The following CACNB4 variants were observed in gnomAD, a reference collection of about 807,000 sequenced individuals.
CACNB4 encodes the protein voltage-dependent L-type calcium channel subunit beta-4.
Under a neutral mutation model 71.2 loss-of-function variants are expected in CACNB4, and 32 were observed. The ratio of observed to expected loss-of-function variants is 0.45; its 90% CI spans 0.34 to 0.60. The LOEUF (loss-of-function observed/expected upper bound fraction) is 0.60. Among genes scored for constraint, CACNB4 ranks in the 20% least tolerant of loss-of-function variants. CACNB4 has a pLI of 0.01. For synonymous variants in CACNB4, 231 were observed against 236.9 expected (o/e 0.97, Z 0.23); for missense variants, 464 against 647.9 (o/e 0.72, Z 3.08).
At position 151,950,506 on chromosome 2, in the gene CACNB4, C is replaced by T. The variant is rs527340848; in HGVS notation, c.148-67136G>A. Among the ~76,000 whole-genome samples the T allele has an allele frequency of 1.2e-3, 177 of 152,304 alleles. 3 individuals carry two copies. In the South Asian group the frequency reaches 0.032, roughly 27 times the overall value. Reference sequence around the variant, plus strand: ...AAATAACTGAAAACAGGAACTCAAACGAATACTTGTCCATGAATGTTCCCA... The same window carrying T: ...AAATAACTGAAAACAGGAACTCAAATGAATACTTGTCCATGAATGTTCCCA... On this transcript the variant is annotated intron_variant, in intron 2 of 13. Transcript: ENST00000539935.
chr2:151,856,969 T>C (rs2099840479), intron 10 of CACNB4: 1 of 152,196 alleles, frequency 6.6e-6, no homozygotes, highest in Admixed American at 6.5e-5. Flanking sequence ...TGCCTTGGCC[T>C]CCTGAAGTGT....
At chr2:151,957,152 CA>C in intron 2 of CACNB4, among the ~76,000 whole-genome samples, 1 of 151,062 alleles carries the variant, frequency 6.6e-6, no homozygotes, top group East Asian at 1.9e-4. Flanking sequence ...GACTCCATCT[CA>C]AAAAAAAGAA....
At chr2:151,972,888 G>A (rs1223953229) in intron 2 of CACNB4, 1 of 151,806 alleles carries the variant, frequency 6.6e-6, no homozygotes, top group Non-Finnish European at 1.5e-5. Flanking sequence ...GTGTATTGAT[G>A]AAAAAAATAG....
At chr2:151,988,422 A>C (rs529620149) in intron 2 of CACNB4, among the ~76,000 whole-genome samples, 9 of 152,238 alleles carry the variant, frequency 5.9e-5, no homozygotes, top group African/African-American at 1.9e-4. Flanking sequence ...CCCACCCTAC[A>C]TGAGAGTGGG....
chr2:152,002,453 C>G (rs755792854), intron 2 of CACNB4, among the ~76,000 whole-genome samples: 1 of 152,178 alleles, frequency 6.6e-6, no homozygotes, highest in Non-Finnish European at 1.5e-5. Context: ...GGTTATACAG[C>G]GACCATGGCC....
At chr2:152,035,727 G>A (rs1286807482) in intron 2 of CACNB4, among the ~76,000 whole-genome samples, 1 of 150,788 alleles carries the variant, frequency 6.6e-6, no homozygotes, top group African/African-American at 2.4e-5. Context: ...TAGACAAACC[G>A]CAAGAATAGC....
intron 2 of CACNB4, among the ~76,000 whole-genome samples, chr2:152,028,587 G>T (rs887676907): frequency 6.6e-6 from 1 of 152,118 alleles, no homozygotes; most frequent in Non-Finnish European, 1.5e-5. Context: ...TTGTCTTTCT[G>T]CGAAAGAAGA....
At chr2:151,878,014 A>AC in intron 4 of CACNB4, among the ~76,000 whole-genome samples, 1 of 152,262 alleles carries the variant, frequency 6.6e-6, no homozygotes, top group South Asian at 2.1e-4. Context: ...TCTATTGTTT[A>AC]AACTCTCTGG....
chr2:151,920,321 T>C (rs867363085), intron 2 of CACNB4, among the ~76,000 whole-genome samples: 3,571 of 54,178 alleles, frequency 0.066, 120 homozygotes, highest in Non-Finnish European at 0.17. Context: ...TCTTCTTCTT[T>C]TTTTTTTTTT....
At chr2:151,871,534 G>T (rs960620756) in intron 6 of CACNB4, 13 of 152,320 alleles carry the variant, frequency 8.5e-5, no homozygotes, top group African/African-American at 3.1e-4. Context: ...GATTTAAAGC[G>T]ATTCTGTGGA....
At chr2:152,032,996 A>G (rs1164651758) in intron 2 of CACNB4, among the ~76,000 whole-genome samples, 1 of 152,192 alleles carries the variant, frequency 6.6e-6, no homozygotes. Flanking sequence ...AAAATGAACT[A>G]GTTTGGTGTA....
chr2:152,009,106 G>A (rs1350811408), intron 2 of CACNB4, among the ~76,000 whole-genome samples: 6 of 151,412 alleles, frequency 4.0e-5, no homozygotes, highest in East Asian at 1.9e-4. Context: ...TGGGAGGATC[G>A]CTTGAGCCCA....
intron 2 of CACNB4, among the ~76,000 whole-genome samples, chr2:151,911,243 G>C (rs973100509): frequency 3.3e-5 from 5 of 152,192 alleles, no homozygotes; most frequent in Admixed American, 2.6e-4. Flanking sequence ...CATGCCATCT[G>C]TGAACAGACA....
rs1312837409 is a variant in CACNB4 at position 151,870,245 on chromosome 2, C to T, written c.699+286G>A. ...TGGTCAAGACAGATAAAGTCCTTTT[C>T]TTTGCATTTAATGTACAGCAAATCT... is the stretch of plus-strand genomic sequence containing the variant. On this transcript the variant is annotated intron_variant, in intron 8 of 13. Coordinates refer to ENST00000539935, the MANE Select transcript of CACNB4 (RefSeq NM_000726.5). 7 of 702,704 alleles carry T rather than the reference C, an allele frequency of 1.0e-5. No homozygotes were observed. The African/African-American group carries it at 1.2e-4, about 12-fold the overall frequency. 43.5% of individuals were successfully genotyped at this position (702,704 alleles called of 1,614,324 possible).
At chr2:151,896,192 C>T (rs1262731928) in intron 2 of CACNB4, among the ~76,000 whole-genome samples, 1 of 152,150 alleles carries the variant, frequency 6.6e-6, no homozygotes, top group East Asian at 1.9e-4. Flanking sequence ...GGCCCAGGGG[C>T]CCCAACAGAG....
intron 2 of CACNB4, among the ~76,000 whole-genome samples, chr2:152,025,036 AC>A (rs1446080278): frequency 1.3e-5 from 2 of 152,360 alleles, no homozygotes; most frequent in African/African-American, 4.8e-5. Context: ...AGCCTGGGCA[AC>A]AGAGTGAGAC....
At chr2:152,086,158 C>A (rs1162437513) in intron 2 of CACNB4, among the ~76,000 whole-genome samples, 1 of 152,088 alleles carries the variant, frequency 6.6e-6, no homozygotes, top group African/African-American at 2.4e-5. Context: ...CTTACAATAT[C>A]GATTTGACAG....
At chr2:152,065,834 T>C (rs1012505171) in intron 2 of CACNB4, among the ~76,000 whole-genome samples, 1 of 152,176 alleles carries the variant, frequency 6.6e-6, no homozygotes, top group Admixed American at 6.5e-5. Context: ...CTCCAATTCC[T>C]GGGCTTAAAC....
At chr2:152,030,103 C>T (rs947443205) in intron 2 of CACNB4, among the ~76,000 whole-genome samples, 5 of 152,020 alleles carry the variant, frequency 3.3e-5, no homozygotes, top group African/African-American at 1.2e-4. Flanking sequence ...AGCACTCTTA[C>T]CTTCTTTTTT....
Sources: gnomAD v4.1 joint callset for allele counts (sites outside exome capture counted in the v4.1 genomes callset) on GRCh38, gnomAD v4.1.1 for gene constraint, MANE v1.5 for transcripts, NCBI Gene and HGNC (gene_info 2026-07-23, HGNC 2026-07-21) for gene names.